PUM1: variants seen among roughly 807,000 people sequenced by gnomAD.
PUM1 encodes pumilio homolog 1.
Under a neutral mutation model 131.8 loss-of-function variants are expected in PUM1, and 13 were observed. That is an observed-to-expected ratio of 0.10 (90% CI 0.06 to 0.16). The LOEUF (loss-of-function observed/expected upper bound fraction) is 0.16. Ranked by LOEUF, PUM1 falls within the 10% of genes least tolerant of loss-of-function variation. The pLI is 1.00. For missense variants in PUM1, 961 were observed against 1,512.4 expected (o/e 0.64, Z 6.05); for synonymous variants, 509 against 556.5 (o/e 0.91, Z 1.20).
chr1:31,011,590 T>A (rs1003462175), intron 3 of PUM1, among the ~76,000 whole-genome samples: 1 of 152,208 alleles, frequency 6.6e-6, no homozygotes, highest in Non-Finnish European at 1.5e-5. Flanking sequence ...AAGTACAATT[T>A]CAAATTCAAC....
intron 2 of PUM1, 115 bp from the exon 3 acceptor site, chr1:31,028,979 A>C: frequency 1.2e-6 from 1 of 801,984 alleles, no homozygotes. Context: ...TGGCAAAGAC[A>C]ATAGCAATGA....
chr1:30,970,929 A>G (rs773241206), intron 10 of PUM1, among the ~76,000 whole-genome samples: 11 of 152,232 alleles, frequency 7.2e-5, no homozygotes, highest in Non-Finnish European at 1.5e-4. Context: ...CTAAAGAGGT[A>G]GTCTAAGACT....
At chr1:31,022,997 T>C (rs959795750) in intron 3 of PUM1, among the ~76,000 whole-genome samples, 9 of 151,838 alleles carry the variant, frequency 5.9e-5, no homozygotes, top group Admixed American at 5.3e-4. Flanking sequence ...AGTGAAACCC[T>C]GTCTCTATTA....
chr1:30,966,407 ATCTG>A (rs1320404674), intron 12 of PUM1, 129 bp from the exon 13 acceptor site: 1 of 931,038 alleles, frequency 1.1e-6, no homozygotes, highest in African/African-American at 1.7e-5. Context: ...AACCATACAA[ATCTG>A]TCTTTGATCC....
intron 2 of PUM1, among the ~76,000 whole-genome samples, chr1:31,031,686 T>C (rs984930229): frequency 2.6e-5 from 4 of 152,254 alleles, no homozygotes; most frequent in Non-Finnish European, 5.9e-5. Context: ...TGTCAGTTTC[T>C]GCTGTGGGCT....
chr1:30,964,987 A>G, intron 13 of PUM1, 77 bp from the exon 14 acceptor site: 4 of 1,251,038 alleles, frequency 3.2e-6, no homozygotes, highest in Non-Finnish European at 3.5e-6. Flanking sequence ...TGTTCCTAAC[A>G]CTTTGATCCA....
rs561276984 is a variant in PUM1 at position 31,038,318 on chromosome 1, A to G, written c.364-9454T>C. ...GGTAGAAATTATTTAAACAAGGGGGAAAAACTTTAACCTGCGATTACTTCT... is the reference window on the plus strand; with the variant it reads ...GGTAGAAATTATTTAAACAAGGGGGGAAAACTTTAACCTGCGATTACTTCT... On this transcript the variant is annotated intron_variant, in intron 2 of 21. Coordinates refer to ENST00000426105, the MANE Select transcript of PUM1 (RefSeq NM_001020658.2). 8.5e-5 allele frequency among the ~76,000 whole-genome samples: 13 copies of G among 152,160 alleles called. 1 individual carries two copies. Among genetic ancestry groups the G allele is most frequent in the African/African-American group, 2.9e-4 (12 of 41,514 alleles).
chr1:30,952,170 T>C (rs1049282774), intron 16 of PUM1, 64 bp downstream of exon 16: 3 of 1,516,876 alleles, frequency 2.0e-6, no homozygotes, highest in African/African-American at 2.7e-5. Flanking sequence ...TTAAAAAGGC[T>C]AATGAAAATC....
At chr1:30,955,927 T>C (rs1440520585) in intron 14 of PUM1, among the ~76,000 whole-genome samples, 3 of 152,222 alleles carry the variant, frequency 2.0e-5, no homozygotes, top group Non-Finnish European at 2.9e-5. Context: ...ATATACACTT[T>C]CTCTGGAATT....
chr1:30,952,173 T>C, intron 16 of PUM1, 61 bp downstream of exon 16: 1 of 1,544,792 alleles, frequency 6.5e-7, no homozygotes, highest in Non-Finnish European at 8.9e-7. Flanking sequence ...AAAAGGCTAA[T>C]GAAAATCAAA....
At chr1:30,947,040 C>A (rs6680401) in intron 17 of PUM1, among the ~76,000 whole-genome samples, 1 of 152,020 alleles carries the variant, frequency 6.6e-6, no homozygotes, top group African/African-American at 2.4e-5. Flanking sequence ...TACCTCTAAC[C>A]GTGTAACATG....
At chr1:31,017,174 A>G (rs1642848181) in intron 3 of PUM1, among the ~76,000 whole-genome samples, 1 of 152,244 alleles carries the variant, frequency 6.6e-6, no homozygotes, top group South Asian at 2.1e-4. Context: ...TATTGGAAAA[A>G]ACAAAAAAAG....
Position 30,966,049 on chromosome 1 carries a change from C to T in PUM1, c.2019G>A (p.Leu673=), listed in dbSNP as rs759167066. The T allele has an allele frequency of 1.2e-6, 2 of 1,614,176 alleles. No homozygotes were observed. The highest frequency in any genetic ancestry group is 1.7e-6 in the Non-Finnish European group (2 of 1,180,026). Residue 673 remains leucine (L), a synonymous_variant, in exon 13 of 22, where the codon TTG becomes TTA. Coordinates refer to ENST00000426105, the MANE Select transcript of PUM1 (RefSeq NM_001020658.2). ...QGSAQPANTS[L]GFGSSSSLGA... is the part of the protein sequence containing the mutation. ...CGAGAGAACTGCTACTTCCGAATCC[C>T]AAGGATGTGTTGGCAGGCTGGGCAG...
At chr1:31,026,904 A>G (rs992410300) in intron 3 of PUM1, among the ~76,000 whole-genome samples, 1 of 151,016 alleles carries the variant, frequency 6.6e-6, no homozygotes, top group African/African-American at 2.4e-5. Context: ...TTATTAACAT[A>G]TGCCTATATT....
intron 2 of PUM1, among the ~76,000 whole-genome samples, chr1:31,054,465 C>T (rs528107612): frequency 1.3e-5 from 2 of 150,440 alleles, no homozygotes; most frequent in South Asian, 2.1e-4. Context: ...TTCTTTACTT[C>T]GCTAGTTCAC....
intron 2 of PUM1, among the ~76,000 whole-genome samples, chr1:31,041,531 T>TG (rs745404285): frequency 6.6e-6 from 1 of 152,158 alleles, no homozygotes; most frequent in Non-Finnish European, 1.5e-5. Context: ...TAGTGTGTAG[T>TG]GTCTGGGTCA....
At chr1:30,949,086 T>C (rs1336018368) in intron 17 of PUM1, 3 of 413,842 alleles carry the variant, frequency 7.2e-6, no homozygotes, top group South Asian at 5.3e-5. Flanking sequence ...TTGGATTGGT[T>C]TAGCTTGACT....
At chr1:31,006,529 T>A (rs1412446060) in intron 4 of PUM1, among the ~76,000 whole-genome samples, 2 of 152,206 alleles carry the variant, frequency 1.3e-5, no homozygotes, top group Admixed American at 6.5e-5. Flanking sequence ...TCTGCCTCTA[T>A]AAGTTCTCCC....
At chr1:31,012,063 C>T (rs1487682621) in intron 3 of PUM1, among the ~76,000 whole-genome samples, 7 of 152,176 alleles carry the variant, frequency 4.6e-5, no homozygotes, top group Non-Finnish European at 1.0e-4. Context: ...AGCTTAATTA[C>T]ACTGGACACT....
Sources: allele counts gnomAD v4.1 joint callset (sites outside exome capture counted in the v4.1 genomes callset), GRCh38; gene constraint gnomAD v4.1.1; transcripts MANE v1.5; gene names NCBI Gene and HGNC (gene_info 2026-07-23, HGNC 2026-07-21).